The following GPC5 variants were observed in gnomAD, a reference collection of about 807,000 sequenced individuals.
GPC5 encodes the protein glypican 5, also known as glypican-5.
Under a neutral mutation model 53.9 loss-of-function variants are expected in GPC5, and 47 were observed. That is an observed-to-expected ratio of 0.87 (90% CI 0.69 to 1.11). The LOEUF (loss-of-function observed/expected upper bound fraction) is 1.11, where lower values mean the gene tolerates loss of function less well. GPC5 is among the 50% of genes most tolerant of loss of function. The probability of loss-of-function intolerance (pLI) is 0.00; values close to 1 mark genes in which losing one functional copy is unlikely to be tolerated. For synonymous variants in GPC5, 286 were observed against 263.3 expected (o/e 1.09, Z -0.84); for missense variants, 748 against 713.1 (o/e 1.05, Z -0.56).
rs187054341 is a variant in GPC5, at chr13:92,354,338, T to G, written c.1561+209349T>G. ...TATAACTAAGATTCATACAACTTAT[T>G]TTAAAAATAGTTGAAAGCATGTTAC... On this transcript the variant is annotated intron_variant, in intron 7 of 7. Coordinates refer to ENST00000377067, the MANE Select transcript of GPC5 (RefSeq NM_004466.6). Among the ~76,000 whole-genome samples, 155 of 152,362 alleles carry G rather than the reference T, an allele frequency of 1.0e-3. 1 individual carries two copies. Among genetic ancestry groups the G allele is most frequent in the African/African-American group, 3.5e-3 (145 of 41,594 alleles).
chr13:92,348,216 G>A (rs2043444087), intron 7 of GPC5, among the ~76,000 whole-genome samples: 2 of 151,390 alleles, frequency 1.3e-5, no homozygotes, highest in African/African-American at 2.4e-5. Flanking sequence ...TTTGCTGGCT[G>A]TAAGAGCCTC....
At chr13:92,622,225 G>A (rs1352138227) in intron 7 of GPC5, among the ~76,000 whole-genome samples, 2 of 152,192 alleles carry the variant, frequency 1.3e-5, no homozygotes, top group Non-Finnish European at 2.9e-5. Flanking sequence ...CAGTGGCGCT[G>A]TTCCTGTCCT....
chr13:91,604,729 T>C (rs1223623176), intron 2 of GPC5, among the ~76,000 whole-genome samples: 4 of 104,436 alleles, frequency 3.8e-5, no homozygotes, highest in African/African-American at 1.7e-4. Context: ...TTTCATGTGT[T>C]TTTTGGCTGC....
chr13:91,796,525 C>G (rs577000664), intron 5 of GPC5, among the ~76,000 whole-genome samples: 21 of 152,298 alleles, frequency 1.4e-4, no homozygotes, highest in African/African-American at 5.1e-4. Context: ...GCTCCCTCCC[C>G]CTGTGCTCTC....
chr13:92,225,384 A>G (rs1233607217), intron 7 of GPC5, among the ~76,000 whole-genome samples: 2 of 152,218 alleles, frequency 1.3e-5, no homozygotes, highest in Admixed American at 1.3e-4. Flanking sequence ...GAGTTCAGTG[A>G]AAGTGCATAT....
At position 92,290,792 on chromosome 13, in the gene GPC5, TGAG is replaced by T. The variant is rs553039837; in HGVS notation, c.1561+145807_1561+145809del. ...TCTGGGCTCCCACTTTGGCGGCACT[TGAG>T]GAGCCCTTCAGCCCGCTGCTGCACT... On this transcript the variant is annotated intron_variant, in intron 7 of 7. Transcript: ENST00000377067. Among the ~76,000 whole-genome samples the T allele has an allele frequency of 2.0e-4, 31 of 152,314 alleles. No homozygotes were observed. In the South Asian group the frequency reaches 3.7e-3, roughly 18 times the overall value.
At chr13:92,192,389 C>G (rs2042228672) in intron 7 of GPC5, among the ~76,000 whole-genome samples, 1 of 152,128 alleles carries the variant, frequency 6.6e-6, no homozygotes, top group African/African-American at 2.4e-5. Flanking sequence ...GAACATATAA[C>G]TGCTCTAAAA....
At chr13:92,838,328 C>CA (rs1255599643) in intron 7 of GPC5, among the ~76,000 whole-genome samples, 6 of 150,748 alleles carry the variant, frequency 4.0e-5, no homozygotes, top group Non-Finnish European at 7.4e-5. Flanking sequence ...ACTAAAAATA[C>CA]AAAAAATTAG....
intron 1 of GPC5, among the ~76,000 whole-genome samples, chr13:91,400,874 C>T (rs1876893279): frequency 6.6e-6 from 1 of 152,190 alleles, no homozygotes; most frequent in African/African-American, 2.4e-5. Context: ...AAAACTAAAG[C>T]TCTGTCCTAA....
At chr13:91,836,112 T>A (rs1397337505) in intron 5 of GPC5, among the ~76,000 whole-genome samples, 1 of 151,948 alleles carries the variant, frequency 6.6e-6, no homozygotes, top group Admixed American at 6.6e-5. Context: ...AAGAAGAAAT[T>A]TAAATATTGT....
intron 6 of GPC5, among the ~76,000 whole-genome samples, chr13:92,115,160 C>T (rs775324171): frequency 1.5e-4 from 23 of 152,070 alleles, no homozygotes; most frequent in Non-Finnish European, 2.9e-4. Flanking sequence ...TGGTTGTACA[C>T]GTCTGTAAGT....
chr13:92,704,298 G>T (rs1290611266), intron 7 of GPC5, among the ~76,000 whole-genome samples: 1 of 152,050 alleles, frequency 6.6e-6, no homozygotes. Flanking sequence ...ATTATGAAGT[G>T]CTGCTTAGAC....
chr13:92,349,969 G>A (rs1002841388), intron 7 of GPC5, among the ~76,000 whole-genome samples: 77 of 151,998 alleles, frequency 5.1e-4, no homozygotes, highest in African/African-American at 1.7e-3. Flanking sequence ...GATGAACATA[G>A]ACATAAAAAT....
intron 5 of GPC5, among the ~76,000 whole-genome samples, chr13:91,826,356 A>G (rs1225055730): frequency 6.6e-6 from 1 of 152,046 alleles, no homozygotes; most frequent in Admixed American, 6.6e-5. Flanking sequence ...TATCAAGAGT[A>G]CCAAATGGAA....
intron 3 of GPC5, among the ~76,000 whole-genome samples, chr13:91,704,607 C>A (rs1239887275): frequency 2.0e-5 from 3 of 152,336 alleles, no homozygotes; most frequent in Admixed American, 2.0e-4. Context: ...CCATTGTGAG[C>A]CTCCTGCCTA....
chr13:92,188,368 GCACT>G (rs1237416842), intron 7 of GPC5, among the ~76,000 whole-genome samples: 1 of 152,040 alleles, frequency 6.6e-6, no homozygotes, highest in East Asian at 1.9e-4. Flanking sequence ...AAAAGCACAA[GCACT>G]CAATTAATTA....
chr13:92,340,284 C>T (rs1327266910), intron 7 of GPC5: 3 of 152,206 alleles, frequency 2.0e-5, no homozygotes, highest in Non-Finnish European at 2.9e-5. Context: ...GAAAGTAACC[C>T]TTTATCCAAA....
At chr13:91,972,562 T>A (rs1000637260) in intron 6 of GPC5, among the ~76,000 whole-genome samples, 1 of 152,178 alleles carries the variant, frequency 6.6e-6, no homozygotes, top group Non-Finnish European at 1.5e-5. Flanking sequence ...TTCCTAGCCT[T>A]GATGGTCTTT....
At chr13:92,755,933 C>G (rs1235648176) in intron 7 of GPC5, among the ~76,000 whole-genome samples, 1 of 150,538 alleles carries the variant, frequency 6.6e-6, no homozygotes, top group African/African-American at 2.4e-5. Context: ...CCTTCTGAAA[C>G]TATTCCAATC....
Sources: allele counts gnomAD v4.1 joint callset (sites outside exome capture counted in the v4.1 genomes callset), GRCh38; gene constraint gnomAD v4.1.1; transcripts MANE v1.5; gene names NCBI Gene and HGNC (gene_info 2026-07-23, HGNC 2026-07-21).